ITCH: variants seen among roughly 807,000 people sequenced by gnomAD.
The protein encoded by ITCH is itchy E3 ubiquitin protein ligase.
ITCH carries 28 observed loss-of-function variants against 126.8 expected under a neutral mutation model. That is an observed-to-expected ratio of 0.22 (90% CI 0.16 to 0.30). The LOEUF (loss-of-function observed/expected upper bound fraction) is 0.30, where lower values mean the gene tolerates loss of function less well. ITCH is among the 10% of genes least tolerant of loss of function. The pLI is 1.00. For missense variants in ITCH, 631 were observed against 1,032.4 expected (o/e 0.61, Z 5.33); for synonymous variants, 342 against 340.0 (o/e 1.01, Z -0.06).
chr20:34,387,302 C>CAA (rs879381228), intron 2 of ITCH, among the ~76,000 whole-genome samples: 6 of 121,630 alleles, frequency 4.9e-5, no homozygotes, highest in East Asian at 2.4e-4. Context: ...ATGTCTGTCT[C>CAA]AAAAAAAAAA....
At chr20:34,394,464 CATTT>C (rs921555754) in intron 3 of ITCH, among the ~76,000 whole-genome samples, 5 of 152,010 alleles carry the variant, frequency 3.3e-5, no homozygotes, top group Non-Finnish European at 7.4e-5. Flanking sequence ...ACAGGTTACC[CATTT>C]ATTTATTTAC....
At chr20:34,485,188 T>C (rs1280883716) in intron 20 of ITCH, among the ~76,000 whole-genome samples, 1 of 152,238 alleles carries the variant, frequency 6.6e-6, no homozygotes, top group Non-Finnish European at 1.5e-5. Flanking sequence ...TGTTTATCCA[T>C]TCTCTTGGTG....
chr20:34,456,647 T>C (rs7271508), intron 12 of ITCH, among the ~76,000 whole-genome samples: 3 of 62,496 alleles, frequency 4.8e-5, no homozygotes, highest in Admixed American at 1.3e-4. Context: ...AAAAAAAATA[T>C]ATATATATAT....
At chr20:34,421,729 C>A (rs183067700) in intron 6 of ITCH, among the ~76,000 whole-genome samples, 11 of 152,064 alleles carry the variant, frequency 7.2e-5, no homozygotes, top group Non-Finnish European at 1.2e-4. Context: ...GTGAATATTC[C>A]AGGCATGGTG....
intron 16 of ITCH, 56 bp from the exon 17 acceptor site, chr20:34,477,716 G>A (rs1202841646): frequency 9.9e-6 from 15 of 1,508,914 alleles, no homozygotes; most frequent in Non-Finnish European, 1.4e-5. Context: ...CCTAGAAGTG[G>A]TAGACAGTGT....
At chr20:34,474,474 T>C (rs2146436331) in intron 16 of ITCH, among the ~76,000 whole-genome samples, 1 of 152,298 alleles carries the variant, frequency 6.6e-6, no homozygotes, top group South Asian at 2.1e-4. Context: ...GAGCACAGGG[T>C]TGGGGGTAAG....
intron 7 of ITCH, among the ~76,000 whole-genome samples, chr20:34,427,220 G>A (rs1981658840): frequency 6.6e-6 from 1 of 152,124 alleles, no homozygotes; most frequent in African/African-American, 2.4e-5. Flanking sequence ...CTAATCTCAC[G>A]AGATGTAGAA....
intron 14 of ITCH, among the ~76,000 whole-genome samples, chr20:34,462,541 G>T (rs1986640463): frequency 6.6e-6 from 1 of 152,056 alleles, no homozygotes; most frequent in African/African-American, 2.4e-5. Flanking sequence ...CGTTAAAAAA[G>T]CTCTCATTAC....
chr20:34,385,218 TG>T (rs2038234586), intron 2 of ITCH, among the ~76,000 whole-genome samples: 137 of 126,506 alleles, frequency 1.1e-3, no homozygotes, highest in African/African-American at 3.3e-3. Flanking sequence ...TGTGTGTGTG[TG>T]TGGTTTTTTT....
intron 7 of ITCH, among the ~76,000 whole-genome samples, chr20:34,427,450 A>T (rs568146470): frequency 6.6e-6 from 1 of 152,160 alleles, no homozygotes; most frequent in South Asian, 2.1e-4. Flanking sequence ...AGAAAAATTA[A>T]AATTAAAAAA....
chr20:34,446,045 G>A (rs1984411927), intron 11 of ITCH, among the ~76,000 whole-genome samples: 1 of 152,042 alleles, frequency 6.6e-6, no homozygotes, highest in Non-Finnish European at 1.5e-5. Context: ...TTTTCCTGTA[G>A]AGCAATATTG....
intron 2 of ITCH, among the ~76,000 whole-genome samples, chr20:34,383,836 CTTTTTT>C (rs745864966): frequency 2.9e-5 from 2 of 68,674 alleles, no homozygotes; most frequent in African/African-American, 1.1e-4. Flanking sequence ...GTCTGTAATT[CTTTTTT>C]TTTTTTTTTT....
intron 22 of ITCH, 104 bp downstream of exon 22, chr20:34,490,030 T>C (rs1989402569): frequency 1.3e-6 from 1 of 754,516 alleles, no homozygotes. Context: ...CCAGTGTATA[T>C]AGACCCCTTA....
intron 7 of ITCH, among the ~76,000 whole-genome samples, chr20:34,433,993 G>C (rs1982675920): frequency 1.3e-5 from 2 of 151,974 alleles, no homozygotes; most frequent in East Asian, 3.9e-4. Flanking sequence ...ATTAAAATGG[G>C]GGCTAGGCGC....
intron 3 of ITCH, chr20:34,402,187 G>A: frequency 7.1e-7 from 1 of 1,401,050 alleles, no homozygotes. Context: ...GGTTCTGGAG[G>A]TTCCAGGGCA....
intron 23 of ITCH, among the ~76,000 whole-genome samples, chr20:34,499,272 CTTTTTTTTTTTTTTTT>C (rs386393666): frequency 6.9e-4 from 16 of 23,032 alleles, no homozygotes; most frequent in East Asian, 1.7e-3. Context: ...CTGTGCCCAG[CTTTTTTTTTTTTTTTT>C]TTTTTTTTTT....
intron 10 of ITCH, among the ~76,000 whole-genome samples, chr20:34,443,183 A>G (rs1983986483): frequency 6.6e-6 from 1 of 152,060 alleles, no homozygotes; most frequent in African/African-American, 2.4e-5. Flanking sequence ...AGTTAAGGAT[A>G]TATTAATACA....
At chr20:34,422,008 C>G (rs61073979) in intron 6 of ITCH, among the ~76,000 whole-genome samples, 29 of 152,116 alleles carry the variant, frequency 1.9e-4, no homozygotes, top group African/African-American at 7.0e-4. Flanking sequence ...GCATCAAGAC[C>G]CTTTGTCAAG....
intron 17 of ITCH, among the ~76,000 whole-genome samples, chr20:34,478,551 T>A (rs1287723623): frequency 6.6e-6 from 1 of 152,210 alleles, no homozygotes; most frequent in Non-Finnish European, 1.5e-5. Flanking sequence ...GGGATTTGAA[T>A]CTTTTTCTGC....
Sources: allele counts gnomAD v4.1 joint callset (sites outside exome capture counted in the v4.1 genomes callset), GRCh38; gene constraint gnomAD v4.1.1; transcripts MANE v1.5; gene names NCBI Gene and HGNC (gene_info 2026-07-23, HGNC 2026-07-21).